The following PTPRG variants were observed in gnomAD, a reference collection of about 807,000 sequenced individuals.
The protein encoded by PTPRG is protein tyrosine phosphatase receptor type G.
A neutral mutation model predicts 165.3 loss-of-function variants in PTPRG; 102 were observed. The ratio of observed to expected loss-of-function variants is 0.62; its 90% CI spans 0.53 to 0.73. PTPRG has a LOEUF of 0.73. Ranked by LOEUF, PTPRG falls within the 30% of genes least tolerant of loss-of-function variation. The pLI, the probability that PTPRG is intolerant of heterozygous loss-of-function variation, is 0.00. For missense variants in PTPRG, 1,866 were observed against 1,861.4 expected, an observed-to-expected ratio of 1.00 and a Z score of -0.05; for synonymous variants, 675 against 669.5, an observed-to-expected ratio of 1.01 and a Z score of -0.13.
intron 2 of PTPRG, among the ~76,000 whole-genome samples, chr3:61,887,054 T>A (rs914652122): frequency 2.0e-5 from 3 of 149,634 alleles, no homozygotes; most frequent in Non-Finnish European, 4.4e-5. Flanking sequence ...GAAACATCTC[T>A]TATTTTCTGA....
chr3:62,106,027 A>G (rs1340062954), intron 5 of PTPRG, among the ~76,000 whole-genome samples: 1 of 152,234 alleles, frequency 6.6e-6, no homozygotes, highest in African/African-American at 2.4e-5. Context: ...ACTGTATCAC[A>G]GTAACTGATC....
At chr3:61,713,166 T>G (rs955960588) in intron 1 of PTPRG, among the ~76,000 whole-genome samples, 1 of 148,442 alleles carries the variant, frequency 6.7e-6, no homozygotes, top group Admixed American at 6.7e-5. Context: ...TCAAATATGT[T>G]TTTTTTTTTT....
chr3:61,688,641 T>A (rs745944173), intron 1 of PTPRG, among the ~76,000 whole-genome samples: 4 of 152,178 alleles, frequency 2.6e-5, no homozygotes, highest in Non-Finnish European at 5.9e-5. Context: ...GGAGCCAGTA[T>A]CCCCACCACC....
intron 5 of PTPRG, among the ~76,000 whole-genome samples, chr3:62,107,404 A>G (rs1307204282): frequency 6.6e-6 from 1 of 152,232 alleles, no homozygotes; most frequent in Non-Finnish European, 1.5e-5. Context: ...GATGCACATG[A>G]AATACTCCTA....
intron 5 of PTPRG, among the ~76,000 whole-genome samples, chr3:62,105,024 A>G (rs1702422733): frequency 6.6e-6 from 1 of 152,218 alleles, no homozygotes; most frequent in African/African-American, 2.4e-5. Flanking sequence ...CAATAAAGAA[A>G]TCATCATTAC....
At chr3:61,911,006 T>TA (rs2038789373) in intron 2 of PTPRG, among the ~76,000 whole-genome samples, 1 of 152,184 alleles carries the variant, frequency 6.6e-6, no homozygotes, top group African/African-American at 2.4e-5. Context: ...CAGCACCTCT[T>TA]ATTCCCTCTG....
At chr3:62,020,688 C>A (rs2041668336) in intron 4 of PTPRG, among the ~76,000 whole-genome samples, 1 of 151,886 alleles carries the variant, frequency 6.6e-6, no homozygotes. Flanking sequence ...TTAGCAGGGG[C>A]TTATTTCTGG....
Position 62,277,653 on chromosome 3 carries a change from G to C in PTPRG, c.3739G>C (p.Val1247Leu), listed in dbSNP as rs769924756. ...MIWDHNAQII[V>L]MLPDNQSLAE... is the part of the protein sequence containing the mutation. ...TTGGGATCATAACGCACAGATCATT[G>C]TCATGCTGCCAGACAACCAGAGCTT... The change falls in exon 26 of 30, where the codon GTC (valine) becomes CTC (leucine). Residue 1247 changes from valine to leucine, a missense_variant. This residue lies in a region of PTPRG where 1,452 missense variants were observed against 1,463.0 expected (regional missense o/e 0.99). Coordinates refer to ENST00000474889, the MANE Select transcript of PTPRG (RefSeq NM_002841.4). 3 of 1,612,510 alleles carry C rather than the reference G, an allele frequency of 1.9e-6. No individual in the cohort carries two copies. The highest frequency in any genetic ancestry group is 1.1e-5 in the South Asian group (1 of 91,040).
At chr3:61,742,399 T>TG in intron 1 of PTPRG, 36 of 1,056,506 alleles carry the variant, frequency 3.4e-5, no homozygotes, top group South Asian at 4.7e-5. Context: ...CCTTTGGGTC[T>TG]GGAATTTTTT....
intron 1 of PTPRG, among the ~76,000 whole-genome samples, chr3:61,608,064 C>G (rs1160170120): frequency 6.6e-6 from 1 of 151,866 alleles, no homozygotes; most frequent in Non-Finnish European, 1.5e-5. Context: ...AAATAATTGT[C>G]TTTTGGCTAG....
At chr3:62,033,946 G>A (rs535445815) in intron 4 of PTPRG, among the ~76,000 whole-genome samples, 44 of 151,850 alleles carry the variant, frequency 2.9e-4, no homozygotes, top group Non-Finnish European at 5.4e-4. Context: ...TTGTATTTTT[G>A]GTAGAGACGG....
chr3:61,583,173 A>C (rs1464751938), intron 1 of PTPRG, among the ~76,000 whole-genome samples: 1 of 152,212 alleles, frequency 6.6e-6, no homozygotes, highest in African/African-American at 2.4e-5. Context: ...AGTGACTGCT[A>C]GCTGGCAGAT....
intron 4 of PTPRG, among the ~76,000 whole-genome samples, chr3:62,013,782 T>G (rs942001261): frequency 1.5e-4 from 22 of 150,872 alleles, no homozygotes; most frequent in African/African-American, 5.1e-4. Context: ...CTGTACAGGT[T>G]TTTTTTTTTC....
chr3:61,665,204 G>A (rs902576927), intron 1 of PTPRG, among the ~76,000 whole-genome samples: 2 of 152,160 alleles, frequency 1.3e-5, no homozygotes, highest in African/African-American at 4.8e-5. Context: ...CAGAAGTAGA[G>A]ACCTAGAAGA....
intron 2 of PTPRG, among the ~76,000 whole-genome samples, chr3:61,960,075 T>C (rs2107640317): frequency 6.6e-6 from 1 of 152,212 alleles, no homozygotes; most frequent in African/African-American, 2.4e-5. Flanking sequence ...TTCTGTAGGG[T>C]CTCCTTGATA....
chr3:61,648,113 A>C (rs909223752), intron 1 of PTPRG, among the ~76,000 whole-genome samples: 3 of 152,050 alleles, frequency 2.0e-5, no homozygotes, highest in Admixed American at 2.0e-4. Flanking sequence ...ATGCATTGTC[A>C]CCTGAGAATA....
At chr3:61,819,988 C>A (rs1329601361) in intron 2 of PTPRG, among the ~76,000 whole-genome samples, 1 of 151,934 alleles carries the variant, frequency 6.6e-6, no homozygotes, top group African/African-American at 2.4e-5. Flanking sequence ...TGTTTCCTGA[C>A]ATTTTGGTTT....
At position 62,217,105 on chromosome 3, in the gene PTPRG, C is replaced by T. The variant is rs973785128; in HGVS notation, c.2156-1746C>T. 6.6e-6 allele frequency among the ~76,000 whole-genome samples: 1 copy of T among 152,182 alleles called. No individual in the cohort carries two copies. The highest frequency in any genetic ancestry group is 1.5e-5 in the Non-Finnish European group (1 of 68,038). The stretch of plus-strand genomic sequence containing the variant: ...GCTACTATCTGATGTACTGATGTGT[C>T]CCCATCCCCTCGCACCAGGCCTGTG... On this transcript the variant is annotated intron_variant, in intron 12 of 29. Transcript: ENST00000474889. This position sits in a 1 kb window ranked among gnomAD's most constrained non-coding sequence, Gnocchi z 4.3.
Position 62,213,578 on chromosome 3 carries a change from A to T in PTPRG, c.2156-5273A>T, listed in dbSNP as rs1700419242. Among the ~76,000 whole-genome samples the T allele has an allele frequency of 6.6e-6, 1 of 151,996 alleles. No homozygotes were observed. The highest frequency in any genetic ancestry group is 6.6e-5 in the Admixed American group (1 of 15,266). Reference sequence around the variant, plus strand: ...AGTGAACAGACACTCAGAGATGGGCATTTACCCAAAGCCACACAGCTGGAA... The same window carrying T: ...AGTGAACAGACACTCAGAGATGGGCTTTTACCCAAAGCCACACAGCTGGAA... On this transcript the variant is annotated intron_variant, in intron 12 of 29. Transcript: ENST00000474889. The surrounding 1 kb of genome is among the most constrained non-coding windows in gnomAD (Gnocchi z 4.4).
Sources: allele counts gnomAD v4.1 joint callset (sites outside exome capture counted in the v4.1 genomes callset), GRCh38; gene constraint gnomAD v4.1.1; regional missense constraint gnomAD v4.1.1; non-coding constraint Gnocchi (gnomAD v3.1); transcripts MANE v1.5; gene names NCBI Gene and HGNC (gene_info 2026-07-23, HGNC 2026-07-21).